Variants in BICDL1 observed in about 807,000 individuals in gnomAD.
BICDL1 encodes the protein BICD family-like cargo adapter 1.
A neutral mutation model predicts 76.8 loss-of-function variants in BICDL1; 20 were observed. The ratio of observed to expected loss-of-function variants is 0.26; its 90% CI spans 0.18 to 0.38. The LOEUF (loss-of-function observed/expected upper bound fraction) is 0.38. Among genes scored for constraint, BICDL1 ranks in the 10% least tolerant of loss-of-function variants. BICDL1 has a pLI of 1.00. For synonymous variants in BICDL1, 383 were observed against 337.1 expected, an observed-to-expected ratio of 1.14 and a Z score of -1.49; for missense variants, 700 against 798.6, an observed-to-expected ratio of 0.88 and a Z score of 1.49.
chr12:120,069,482 G>A (rs922654828), intron 4 of BICDL1, among the ~76,000 whole-genome samples: 1 of 152,192 alleles, frequency 6.6e-6, no homozygotes, highest in Non-Finnish European at 1.5e-5. Flanking sequence ...ACCCTGGACT[G>A]GGAGTCATGA....
At chr12:120,027,130 A>G (rs1377245935) in intron 2 of BICDL1, among the ~76,000 whole-genome samples, 3 of 143,810 alleles carry the variant, frequency 2.1e-5, no homozygotes, top group Non-Finnish European at 3.0e-5. Context: ...TCCTGGGTTC[A>G]TGTGATTCTC....
chr12:120,049,797 C>G (rs1232827669), intron 2 of BICDL1, among the ~76,000 whole-genome samples: 6 of 152,182 alleles, frequency 3.9e-5, no homozygotes, highest in African/African-American at 1.4e-4. Flanking sequence ...TTCCTTCTGA[C>G]TAGTCTTCCA....
intron 2 of BICDL1, among the ~76,000 whole-genome samples, chr12:120,039,068 G>A (rs1952580952): frequency 6.6e-6 from 1 of 152,126 alleles, no homozygotes; most frequent in Admixed American, 6.6e-5. Context: ...AGGCAGAGGC[G>A]AGCGGATCAC....
intron 9 of BICDL1, chr12:120,091,697 G>A (rs1196736854): frequency 1.0e-6 from 1 of 985,174 alleles, no homozygotes; most frequent in Non-Finnish European, 1.2e-6. Flanking sequence ...GAGCGCGTGA[G>A]GGGTCCACAC....
rs1440324584 is a variant in BICDL1, at chr12:119,998,743, C to T, written c.645+7C>T. The T allele has an allele frequency of 6.2e-7, 1 of 1,610,988 alleles. No homozygotes were observed. On this transcript the variant is annotated splice_region_variant and intron_variant, in intron 2 of 9. Transcript: ENST00000548673. ...ATTGGATCAGCTCAGCAGGGTGAGT[C>T]ACAAATTAAGAATTTAAGATGTAAA...
intron 2 of BICDL1, among the ~76,000 whole-genome samples, chr12:120,055,654 C>G (rs1425979680): frequency 2.0e-5 from 3 of 152,068 alleles, no homozygotes; most frequent in African/African-American, 7.2e-5. Flanking sequence ...ATGTTTTTTG[C>G]TTCATCATGC....
At chr12:120,073,627 C>T (rs189797080) in intron 6 of BICDL1, among the ~76,000 whole-genome samples, 4 of 152,330 alleles carry the variant, frequency 2.6e-5, no homozygotes, top group African/African-American at 9.6e-5. Context: ...TTACCCTCCA[C>T]TCACGCTCCC....
At chr12:119,998,118 G>A (rs1951688426) in intron 1 of BICDL1, among the ~76,000 whole-genome samples, 1 of 152,046 alleles carries the variant, frequency 6.6e-6, no homozygotes, top group African/African-American at 2.4e-5. Flanking sequence ...CTGCACTCCA[G>A]CCTGGGCGAC....
intron 3 of BICDL1, among the ~76,000 whole-genome samples, chr12:120,063,977 A>C (rs1953162815): frequency 6.6e-6 from 1 of 152,222 alleles, no homozygotes; most frequent in African/African-American, 2.4e-5. Context: ...AGACCTTCCT[A>C]AAAGAAGATT....
rs113101426 is a variant in BICDL1 at position 120,092,214 on chromosome 12, A to G, written c.1705-786A>G. 1,237 of 985,456 alleles carry G rather than the reference A, an allele frequency of 1.3e-3. 15 individuals are homozygous for G. In the African/African-American group the frequency reaches 0.02, roughly 16 times the overall value. 61.0% of individuals were successfully genotyped at this position (985,456 alleles called of 1,614,324 possible). A position where few individuals can be genotyped will look rare whatever the true frequency, so the allele number is the denominator to read the frequency against. On this transcript the variant is annotated intron_variant, in intron 9 of 9. Transcript: ENST00000548673. ...GGAAGGGAGTGGAGCTGCCCTGTCC[A>G]CAGGCTTCTCTATGGGAAAGGCTGC... is the stretch of plus-strand genomic sequence containing the variant.
At chr12:120,028,829 C>T (rs1186456103) in intron 2 of BICDL1, among the ~76,000 whole-genome samples, 4 of 151,998 alleles carry the variant, frequency 2.6e-5, no homozygotes, top group Admixed American at 2.6e-4. Flanking sequence ...CTAGCCTGGA[C>T]AACATAGTGA....
intron 2 of BICDL1, among the ~76,000 whole-genome samples, chr12:120,038,980 C>G (rs993790023): frequency 6.6e-6 from 1 of 152,022 alleles, no homozygotes; most frequent in Non-Finnish European, 1.5e-5. Flanking sequence ...TACATGAAGG[C>G]TACTTTTAAA....
At chr12:120,081,124 A>G (rs1873937512) in intron 8 of BICDL1, 107 bp downstream of exon 8, 3 of 1,223,806 alleles carry the variant, frequency 2.5e-6, no homozygotes, top group Admixed American at 4.4e-5. Context: ...ACAAAGGTAA[A>G]AGTTAGTTTC....
chr12:120,074,409 C>T (rs1192603781), intron 6 of BICDL1, 34 bp from the exon 7 acceptor site: 1 of 1,137,394 alleles, frequency 8.8e-7, no homozygotes, highest in South Asian at 1.8e-5. Flanking sequence ...GTACCCTTAC[C>T]ATATCTGTCT....
intron 2 of BICDL1, among the ~76,000 whole-genome samples, chr12:120,050,777 G>A (rs537756277): frequency 6.6e-6 from 1 of 152,126 alleles, no homozygotes; most frequent in African/African-American, 2.4e-5. Flanking sequence ...AAGTAGCTGG[G>A]ATTAACAGTT....
chr12:120,039,657 A>AAAAG, intron 2 of BICDL1, among the ~76,000 whole-genome samples: 1 of 151,386 alleles, frequency 6.6e-6, no homozygotes, highest in African/African-American at 2.4e-5. Context: ...AAAAAAAAAA[A>AAAAG]AAAGAAAAGG....
intron 2 of BICDL1, among the ~76,000 whole-genome samples, chr12:120,008,823 G>A (rs1429171400): frequency 6.6e-6 from 1 of 152,126 alleles, no homozygotes; most frequent in Non-Finnish European, 1.5e-5. Context: ...ACAGAAAAGG[G>A]CCTTTTACAT....
intron 2 of BICDL1, among the ~76,000 whole-genome samples, chr12:120,050,250 TTC>T (rs752763359): frequency 6.6e-6 from 1 of 151,820 alleles, no homozygotes. Context: ...TATAGATCTA[TTC>T]TCTTTTTTTT....
chr12:120,049,144 G>A (rs1200754040), intron 2 of BICDL1, among the ~76,000 whole-genome samples: 1 of 152,180 alleles, frequency 6.6e-6, no homozygotes, highest in Admixed American at 6.5e-5. Context: ...CTCTGAGAAC[G>A]CAAAGGAGGG....
Sources: allele counts gnomAD v4.1 joint callset (sites outside exome capture counted in the v4.1 genomes callset), GRCh38; gene constraint gnomAD v4.1.1; transcripts MANE v1.5; gene names NCBI Gene and HGNC (gene_info 2026-07-23, HGNC 2026-07-21).